Variants in SOX6 observed in about 807,000 individuals in gnomAD.
SOX6 encodes transcription factor SOX-6.
SOX6 carries 11 observed loss-of-function variants against 97.8 expected under a neutral mutation model. That is an observed-to-expected ratio of 0.11 (90% confidence interval 0.07 to 0.19). SOX6 has a LOEUF of 0.19. Ranked by LOEUF, SOX6 falls within the 10% of genes least tolerant of loss-of-function variation. The pLI, the probability that SOX6 is intolerant of heterozygous loss-of-function variation, is 1.00. For missense variants in SOX6, 810 were observed against 1,039.5 expected (o/e 0.78, Z 3.04); for synonymous variants, 360 against 371.4 (o/e 0.97, Z 0.35).
intron 3 of SOX6, among the ~76,000 whole-genome samples, chr11:16,284,421 C>T (rs1409034670): frequency 6.6e-6 from 1 of 152,136 alleles, no homozygotes; most frequent in East Asian, 1.9e-4. Context: ...GTTTTACACA[C>T]TTCAAAGAAG....
At chr11:16,245,047 G>A (rs1853298302) in intron 3 of SOX6, among the ~76,000 whole-genome samples, 1 of 151,702 alleles carries the variant, frequency 6.6e-6, no homozygotes, top group Non-Finnish European at 1.5e-5. Context: ...CAATTTTTAA[G>A]ACTATATTTA....
chr11:16,220,077 G>T (rs1302822881), intron 4 of SOX6, among the ~76,000 whole-genome samples: 1 of 151,890 alleles, frequency 6.6e-6, no homozygotes, highest in Non-Finnish European at 1.5e-5. Context: ...TCATAATTTT[G>T]TGTTCACTAA....
At chr11:16,568,360 G>A (rs535690002) in intron 4 of SOX6, among the ~76,000 whole-genome samples, 1 of 152,232 alleles carries the variant, frequency 6.6e-6, no homozygotes, top group East Asian at 1.9e-4. Context: ...GTTATATATT[G>A]TATGATTGCA....
chr11:16,521,345 A>G (rs1405829951), intron 4 of SOX6, among the ~76,000 whole-genome samples: 3 of 152,152 alleles, frequency 2.0e-5, no homozygotes, highest in Non-Finnish European at 4.4e-5. Context: ...TTCTGCTGCC[A>G]CCACTGCTGA....
chr11:16,191,984 T>C (rs1327431410), intron 4 of SOX6, among the ~76,000 whole-genome samples: 1 of 152,124 alleles, frequency 6.6e-6, no homozygotes, highest in Non-Finnish European at 1.5e-5. Context: ...AGCTGAAGTA[T>C]TTTAATTTGA....
At chr11:16,553,613 C>A (rs1847715156) in intron 4 of SOX6, among the ~76,000 whole-genome samples, 1 of 151,372 alleles carries the variant, frequency 6.6e-6, no homozygotes, top group Non-Finnish European at 1.5e-5. Flanking sequence ...CTGTCTGGAC[C>A]CGGTGTATAT....
At chr11:16,465,458 G>A (rs943988838) in intron 1 of SOX6, among the ~76,000 whole-genome samples, 5 of 151,878 alleles carry the variant, frequency 3.3e-5, no homozygotes, top group Non-Finnish European at 7.4e-5. Flanking sequence ...ATATAATAAT[G>A]GAAAAAAATA....
At chr11:16,177,194 T>C (rs1565000433) in intron 6 of SOX6, among the ~76,000 whole-genome samples, 1 of 151,972 alleles carries the variant, frequency 6.6e-6, no homozygotes, top group Non-Finnish European at 1.5e-5. Flanking sequence ...TGGCTTATGA[T>C]AAACTTACTA....
intron 3 of SOX6, among the ~76,000 whole-genome samples, chr11:16,696,416 C>T (rs1476220301): frequency 2.0e-5 from 3 of 152,100 alleles, no homozygotes; most frequent in Admixed American, 1.3e-4. Flanking sequence ...AATCTTATAA[C>T]TATATTCATT....
intron 6 of SOX6, among the ~76,000 whole-genome samples, chr11:16,137,538 A>G (rs1277951612): frequency 6.6e-6 from 1 of 152,222 alleles, no homozygotes; most frequent in Non-Finnish European, 1.5e-5. Flanking sequence ...CGAGGCTGAG[A>G]TAATGGTTCT....
At chr11:16,378,911 A>C (rs1857724048) in intron 1 of SOX6, among the ~76,000 whole-genome samples, 2 of 152,230 alleles carry the variant, frequency 1.3e-5, no homozygotes, top group Admixed American at 1.3e-4. Context: ...AATAATGTAC[A>C]ATACTTTGTG....
intron 1 of SOX6, among the ~76,000 whole-genome samples, chr11:16,415,567 G>C (rs1590194716): frequency 1.3e-5 from 2 of 152,048 alleles, no homozygotes; most frequent in African/African-American, 4.8e-5. Flanking sequence ...GATTTTGAAT[G>C]TTCTCAAAAC....
At chr11:16,493,210 G>T (rs1307442024) in intron 4 of SOX6, among the ~76,000 whole-genome samples, 1 of 152,144 alleles carries the variant, frequency 6.6e-6, no homozygotes, top group African/African-American at 2.4e-5. Context: ...AGCGGAATGG[G>T]CAAACTGTGA....
chr11:16,509,891 C>T (rs1490747695), intron 4 of SOX6, among the ~76,000 whole-genome samples: 2 of 151,962 alleles, frequency 1.3e-5, no homozygotes, highest in Non-Finnish European at 2.9e-5. Flanking sequence ...AAACACAACT[C>T]AATAAACATA....
chr11:16,102,804 T>A (rs991627645), intron 7 of SOX6, among the ~76,000 whole-genome samples: 1 of 151,986 alleles, frequency 6.6e-6, no homozygotes, highest in African/African-American at 2.4e-5. Context: ...CAAATGATGC[T>A]GGAATAATTG....
rs1848323377 is a variant in SOX6 at position 16,605,386 on chromosome 11, G to A, written n.609+6695C>T. Among the ~76,000 whole-genome samples, 1 of 152,138 alleles carries A rather than the reference G, an allele frequency of 6.6e-6. No homozygotes were observed. The highest frequency in any genetic ancestry group is 2.1e-4 in the South Asian group (1 of 4,822). On this transcript the variant is annotated intron_variant and non_coding_transcript_variant, in intron 4 of 5. Coordinates refer to the SOX6 transcript ENST00000524520. This position sits in a 1 kb window ranked among gnomAD's most constrained non-coding sequence, Gnocchi z 5.3. ...CGCGGCCAGGGTAAAGAGGACCACA[G>A]ATCAGTCAGCCTTGGATTTCGGATG... is the stretch of plus-strand genomic sequence containing the variant.
At chr11:16,162,333 C>T (rs1301943697) in intron 6 of SOX6, among the ~76,000 whole-genome samples, 2 of 152,310 alleles carry the variant, frequency 1.3e-5, no homozygotes, top group African/African-American at 4.8e-5. Context: ...CAGGACATAA[C>T]ATGTGATCTT....
intron 3 of SOX6, among the ~76,000 whole-genome samples, chr11:16,641,086 TC>T (rs1485033595): frequency 6.6e-6 from 1 of 152,268 alleles, no homozygotes; most frequent in Non-Finnish European, 1.5e-5. Context: ...TTTAAATGTG[TC>T]CCAGAGATTC....
At chr11:16,087,251 A>G (rs1476010325) in intron 9 of SOX6, among the ~76,000 whole-genome samples, 1 of 152,194 alleles carries the variant, frequency 6.6e-6, no homozygotes, top group Non-Finnish European at 1.5e-5. Flanking sequence ...ATGTATGTAT[A>G]TATGTGTACA....
Sources: gnomAD v4.1 joint callset for allele counts (sites outside exome capture counted in the v4.1 genomes callset) on GRCh38, gnomAD v4.1.1 for gene constraint, Gnocchi (gnomAD v3.1) non-coding constraint, MANE v1.5 for transcripts, NCBI Gene and HGNC (gene_info 2026-07-23, HGNC 2026-07-21) for gene names.